USP32: variants seen among roughly 807,000 people sequenced by gnomAD.
The protein encoded by USP32 is ubiquitin carboxyl-terminal hydrolase 32.
A neutral mutation model predicts 204.8 loss-of-function variants in USP32; 59 were observed. The ratio of observed to expected loss-of-function variants is 0.29; its 90% CI spans 0.23 to 0.36. USP32 has a LOEUF of 0.36. USP32 is among the 10% of genes least tolerant of loss of function. The probability of loss-of-function intolerance (pLI) is 1.00; values close to 1 mark genes in which losing one functional copy is unlikely to be tolerated. For synonymous variants in USP32, 517 were observed against 678.4 expected, an observed-to-expected ratio of 0.76 and a Z score of 3.70; for missense variants, 1,160 against 1,946.4, an observed-to-expected ratio of 0.60 and a Z score of 7.60.
chr17:60,326,414 G>A (rs985386898), intron 2 of USP32, among the ~76,000 whole-genome samples: 10 of 151,816 alleles, frequency 6.6e-5, no homozygotes, highest in Middle Eastern at 3.2e-3. Flanking sequence ...AGGTTCAAGC[G>A]ATTCTCCTGC....
At chr17:60,402,268 T>TC (rs2089942185) in intron 1 of USP32, among the ~76,000 whole-genome samples, 1 of 137,510 alleles carries the variant, frequency 7.3e-6, no homozygotes, top group African/African-American at 3.1e-5. Flanking sequence ...TTTTTTTTTT[T>TC]AATACAGAGT....
chr17:60,302,749 A>G (rs1229923934), intron 2 of USP32, among the ~76,000 whole-genome samples: 1 of 152,236 alleles, frequency 6.6e-6, no homozygotes, highest in Admixed American at 6.5e-5. Flanking sequence ...CATTACTTTG[A>G]TTGGAAAAAA....
chr17:60,220,647 C>CT lies in USP32; in HGVS notation c.1750-861dup, dbSNP rs903177829. Among the ~76,000 whole-genome samples, 1,370 of 141,194 alleles carry CT rather than the reference C, an allele frequency of 9.7e-3. 6 individuals carry two copies. The highest frequency in any genetic ancestry group is 0.025 in the Middle Eastern group (7 of 282). 92.6% of individuals were successfully genotyped at this position (141,194 alleles called of 152,430 possible). A position where few individuals can be genotyped will look rare whatever the true frequency, so the allele number is the denominator to read the frequency against. On this transcript the variant is annotated intron_variant, in intron 15 of 33. Transcript: ENST00000300896. ...GATAGCAGGGTTAACACTGAAACTC[C>CT]TTTTTTTTTTTTTTGAGACACAGTC...
chr17:60,305,107 T>C (rs1395887802), intron 2 of USP32: 1 of 152,216 alleles, frequency 6.6e-6, no homozygotes, highest in Non-Finnish European at 1.5e-5. Flanking sequence ...GTACAATTAA[T>C]ATGTTAGTCT....
At chr17:60,420,106 T>C (rs2090098373) in intron 1 of USP32, among the ~76,000 whole-genome samples, 1 of 151,120 alleles carries the variant, frequency 6.6e-6, no homozygotes, top group African/African-American at 2.4e-5. Flanking sequence ...TGTTTTGTTT[T>C]ATTTTATTTA....
intron 11 of USP32, among the ~76,000 whole-genome samples, chr17:60,236,786 G>A (rs2085738387): frequency 1.3e-5 from 2 of 152,082 alleles, no homozygotes; most frequent in Non-Finnish European, 1.5e-5. Context: ...ACTAATCTAT[G>A]TTTTGTCTCT....
At position 60,307,987 on chromosome 17, in the gene USP32, C is replaced by T. The variant is rs370813482; in HGVS notation, c.187-6283G>A. 2.1e-4 allele frequency among the ~76,000 whole-genome samples: 32 copies of T among 152,162 alleles called. 2 individuals carry two copies. Among genetic ancestry groups the T allele is most frequent in the Admixed American group, 1.4e-3 (21 of 15,278 alleles). On this transcript the variant is annotated intron_variant, in intron 2 of 33. Coordinates refer to ENST00000300896, the MANE Select transcript of USP32 (RefSeq NM_032582.4). ...CAGGCCACTGACCAGCAGAACGATG[C>T]GGAGTTAGGGTGGGGCAGTCAGAGG... is the stretch of plus-strand genomic sequence containing the variant.
chr17:60,315,552 G>C (rs1262952268), intron 2 of USP32, among the ~76,000 whole-genome samples: 2 of 152,142 alleles, frequency 1.3e-5, no homozygotes, highest in Non-Finnish European at 2.9e-5. Flanking sequence ...GGTAAACATA[G>C]AATTACCATA....
At chr17:60,363,501 G>A (rs1407330742) in intron 1 of USP32, among the ~76,000 whole-genome samples, 1 of 145,352 alleles carries the variant, frequency 6.9e-6, no homozygotes, top group East Asian at 2.0e-4. Context: ...CTGGGTGACA[G>A]AGCAAGACTC....
At chr17:60,333,487 C>A (rs780499628) in intron 2 of USP32, among the ~76,000 whole-genome samples, 19 of 152,124 alleles carry the variant, frequency 1.2e-4, no homozygotes, top group Non-Finnish European at 2.9e-5. Context: ...GTAGTCCCAG[C>A]TACTTGGGAC....
chr17:60,415,259 G>A (rs181902367), intron 1 of USP32, among the ~76,000 whole-genome samples: 108 of 152,234 alleles, frequency 7.1e-4, no homozygotes, highest in Middle Eastern at 3.4e-3. Flanking sequence ...CACTGTACAT[G>A]GTCAAATATC....
At chr17:60,359,958 C>T (rs1238516515) in intron 1 of USP32, among the ~76,000 whole-genome samples, 1 of 151,714 alleles carries the variant, frequency 6.6e-6, no homozygotes, top group African/African-American at 2.4e-5. Flanking sequence ...AGCTCCACCT[C>T]CCAGGTTCAC....
chr17:60,356,760 A>C (rs1695533584), intron 1 of USP32, among the ~76,000 whole-genome samples: 1 of 152,196 alleles, frequency 6.6e-6, no homozygotes. Flanking sequence ...AAAAATTGCA[A>C]AGCATTTAAG....
At chr17:60,252,232 G>C (rs2145710322) in intron 11 of USP32, 149 bp downstream of exon 11, 2 of 635,464 alleles carry the variant, frequency 3.1e-6, no homozygotes, top group Non-Finnish European at 5.3e-6. Context: ...CCCTTATCTA[G>C]GAAGGTACTT....
intron 1 of USP32, chr17:60,421,623 C>T (rs1273929582): frequency 1.6e-5 from 16 of 974,350 alleles, no homozygotes; most frequent in Non-Finnish European, 1.8e-5. Flanking sequence ...CGCCGGGACC[C>T]CGCCGTGTGC....
At chr17:60,335,623 C>T (rs1337143263) in intron 2 of USP32, among the ~76,000 whole-genome samples, 4 of 143,196 alleles carry the variant, frequency 2.8e-5, no homozygotes, top group Non-Finnish European at 4.4e-5. Context: ...GGAAAACATA[C>T]GGTAGTCATG....
Position 60,226,195 on chromosome 17 carries a change from A to G in USP32, c.1276T>C (p.Leu426=). Residue 426 remains leucine (L), a synonymous_variant, in exon 13 of 34, where the codon TTG becomes CTG. Coordinates refer to ENST00000300896, the MANE Select transcript of USP32 (RefSeq NM_032582.4). ...NPVVIEPSSV[L]NGGKYSFGTA... ...CCAAATGAGTATTTTCCTCCATTCA[A>G]AACAGATGATGGCTCAATTACCACA... The G allele has an allele frequency of 1.3e-6, 2 of 1,570,192 alleles. No homozygotes were observed. Among genetic ancestry groups the G allele is most frequent in the Middle Eastern group, 1.7e-4 (1 of 5,982 alleles).
At chr17:60,346,552 CTTA>C (rs1273519433) in intron 1 of USP32, among the ~76,000 whole-genome samples, 3 of 152,046 alleles carry the variant, frequency 2.0e-5, no homozygotes, top group African/African-American at 7.2e-5. Context: ...TTTTTAGATA[CTTA>C]TTATCAAAAA....
At chr17:60,204,778 CT>C (rs1028056976) in intron 26 of USP32, among the ~76,000 whole-genome samples, 33 of 150,474 alleles carry the variant, frequency 2.2e-4, no homozygotes, top group African/African-American at 7.6e-4. Flanking sequence ...CATTTTCTTT[CT>C]TTCTTTCTTT....
Sources: gnomAD v4.1 joint callset for allele counts (sites outside exome capture counted in the v4.1 genomes callset) on GRCh38, gnomAD v4.1.1 for gene constraint, MANE v1.5 for transcripts, NCBI Gene and HGNC (gene_info 2026-07-23, HGNC 2026-07-21) for gene names.